The following TCF7L1 variants were observed in gnomAD, a reference collection of about 807,000 sequenced individuals.
TCF7L1 encodes the protein transcription factor 7 like 1.
Under a neutral mutation model 63.7 loss-of-function variants are expected in TCF7L1, and 18 were observed. That is an observed-to-expected ratio of 0.28 (90% CI 0.20 to 0.42). The LOEUF (loss-of-function observed/expected upper bound fraction) is 0.42. TCF7L1 is among the 10% of genes least tolerant of loss of function. The pLI is 1.00. For missense variants in TCF7L1, 654 were observed against 779.3 expected (o/e 0.84, Z 1.91); for synonymous variants, 355 against 340.9 (o/e 1.04, Z -0.46).
chr2:85,276,754 C>A (rs914931479), intron 3 of TCF7L1, among the ~76,000 whole-genome samples: 12 of 152,076 alleles, frequency 7.9e-5, no homozygotes, highest in African/African-American at 2.2e-4. Context: ...TCATGATTGC[C>A]GGGTTCTGGG....
At position 85,307,650 on chromosome 2, in the gene TCF7L1, A is replaced by G; in HGVS notation, c.1266A>G (p.Lys422=). Residue 422 remains lysine, a synonymous_variant, in exon 11 of 12, where the codon AAA becomes AAG. Transcript: ENST00000282111. Reference sequence around the variant, plus strand: ...TTGGCTGTATTTTCCAGGGTAAGAAAAAGAAGAGGAAGAGAGAAAAGCAGC... The same window carrying G: ...TTGGCTGTATTTTCCAGGGTAAGAAGAAGAAGAGGAAGAGAGAAAAGCAGC... ...TWSARDNYGK[K]KKRKREKQLS... 1 of 1,613,820 alleles carries G rather than the reference A, an allele frequency of 6.2e-7. No individual in the cohort carries two copies. The highest frequency in any genetic ancestry group is 8.5e-7 in the Non-Finnish European group (1 of 1,179,960).
At chr2:85,244,585 G>A (rs2104328584) in intron 3 of TCF7L1, among the ~76,000 whole-genome samples, 1 of 152,322 alleles carries the variant, frequency 6.6e-6, no homozygotes, top group Non-Finnish European at 1.5e-5. Context: ...GGAGAAGACT[G>A]TGGGAGGGGC....
chr2:85,206,556 C>A (rs1237943577), intron 3 of TCF7L1, among the ~76,000 whole-genome samples: 1 of 152,222 alleles, frequency 6.6e-6, no homozygotes, highest in East Asian at 1.9e-4. Context: ...ATCCCATCAC[C>A]TGTAATCTCA....
intron 3 of TCF7L1, among the ~76,000 whole-genome samples, chr2:85,230,596 A>G (rs1680054140): frequency 1.3e-5 from 2 of 152,130 alleles, no homozygotes; most frequent in South Asian, 4.1e-4. Flanking sequence ...CAGCCTCTCA[A>G]AGTGCTGGGA....
intron 3 of TCF7L1, among the ~76,000 whole-genome samples, chr2:85,145,315 G>C (rs1017718800): frequency 6.6e-6 from 1 of 152,184 alleles, no homozygotes; most frequent in East Asian, 1.9e-4. Flanking sequence ...TGTCCATAGA[G>C]AATGTGTGGA....
At chr2:85,237,850 G>A (rs985449666) in intron 3 of TCF7L1, among the ~76,000 whole-genome samples, 6 of 152,064 alleles carry the variant, frequency 3.9e-5, no homozygotes, top group Non-Finnish European at 8.8e-5. Flanking sequence ...GCCTAAAGCG[G>A]GGTTCGCGGG....
At chr2:85,262,392 G>GAAA in intron 3 of TCF7L1, 24 of 311,248 alleles carry the variant, frequency 7.7e-5, no homozygotes, top group South Asian at 1.5e-4. Flanking sequence ...TCTCTTAAAA[G>GAAA]AAAAAAAAAA....
At chr2:85,232,593 G>A (rs1400552409) in intron 3 of TCF7L1, among the ~76,000 whole-genome samples, 2 of 152,054 alleles carry the variant, frequency 1.3e-5, no homozygotes, top group African/African-American at 2.4e-5. Flanking sequence ...TCAGCATATG[G>A]GCATTAAACC....
chr2:85,134,391 C>T lies in TCF7L1; in HGVS notation c.382C>T (p.Pro128Ser). Residue 128 changes from proline (P) to serine (S), a missense_variant, in exon 3 of 12, where the codon CCG (proline) becomes TCG (serine). Around this residue, in one of 3 missense-constraint regions of TCF7L1, gnomAD observed 404 missense variants for 454.8 expected, o/e 0.89. Coordinates refer to ENST00000282111, the MANE Select transcript of TCF7L1 (RefSeq NM_031283.3). The surrounding 1 kb of genome is among the most constrained non-coding windows in gnomAD (Gnocchi z 5.0). ...PYPGYPFLMI[P>S]DLSSPYLSNG... ...CCCTGGGTACCCCTTCCTGATGATC[C>T]CGGACCTGAGCAGCCCGTACCTCTC... is the stretch of plus-strand genomic sequence containing the variant. The T allele has an allele frequency of 6.4e-7, 1 of 1,572,836 alleles. No homozygotes were observed. Among genetic ancestry groups the T allele is most frequent in the African/African-American group, 1.4e-5 (1 of 73,918 alleles).
At chr2:85,217,102 G>A (rs146600498) in intron 3 of TCF7L1, 99 of 152,250 alleles carry the variant, frequency 6.5e-4, no homozygotes, top group African/African-American at 2.3e-3. Context: ...TGAATATGAG[G>A]CATTGTTTAA....
chr2:85,237,903 C>T (rs548958016), intron 3 of TCF7L1, among the ~76,000 whole-genome samples: 4 of 152,012 alleles, frequency 2.6e-5, no homozygotes, highest in Admixed American at 1.3e-4. Flanking sequence ...TCCGCAGAAG[C>T]GGGAGGCATG....
chr2:85,134,247 C>G lies in TCF7L1; in HGVS notation c.314-76C>G, dbSNP rs1167048415. 5.4e-6 allele frequency: 8 copies of G among 1,484,174 alleles called. No homozygotes were observed. Among genetic ancestry groups the G allele is most frequent in the Non-Finnish European group, 7.2e-6 (8 of 1,116,680 alleles). The allele number at this position is 1,484,174 out of a possible 1,614,324, so 91.9% of individuals were successfully genotyped here. ...GTGGGGGGCGCTGGGGTCCCCAGCT[C>G]CCGCCTCGAGCCCCCTGCCGCGGCG... On this transcript the variant is annotated intron_variant, in intron 2 of 11. Transcript: ENST00000282111. This position sits in a 1 kb window ranked among gnomAD's most constrained non-coding sequence, Gnocchi z 5.0.
At position 85,306,804 on chromosome 2, in the gene TCF7L1, A is replaced by C. The variant is rs1682121425; in HGVS notation, c.1257+245A>C. Among the ~76,000 whole-genome samples, 1 of 152,136 alleles carries C rather than the reference A, an allele frequency of 6.6e-6. No individual in the cohort carries two copies. The highest frequency in any genetic ancestry group is 1.9e-4 in the East Asian group (1 of 5,184). Reference sequence around the variant, plus strand: ...CTCAGCCTCCCGAGTAGCTGGGACTACAGGCACCTGCCACCACACCCGGCT... The same window carrying C: ...CTCAGCCTCCCGAGTAGCTGGGACTCCAGGCACCTGCCACCACACCCGGCT... On this transcript the variant is annotated intron_variant, in intron 10 of 11. Coordinates refer to ENST00000282111, the MANE Select transcript of TCF7L1 (RefSeq NM_031283.3). This position sits in a 1 kb window ranked among gnomAD's most constrained non-coding sequence, Gnocchi z 4.3.
chr2:85,135,733 G>A (rs1050647252), intron 3 of TCF7L1, among the ~76,000 whole-genome samples: 4 of 152,016 alleles, frequency 2.6e-5, no homozygotes, highest in Non-Finnish European at 5.9e-5. Context: ...GACTGAGAGA[G>A]AGGGGAATGG....
chr2:85,175,647 A>AT (rs902322145), intron 3 of TCF7L1, among the ~76,000 whole-genome samples: 17 of 152,320 alleles, frequency 1.1e-4, no homozygotes, highest in African/African-American at 4.1e-4. Flanking sequence ...ACTCAGTTGA[A>AT]TTTTTTCACT....
rs966902421 is a variant in TCF7L1, at chr2:85,309,667, A to C, written c.*205A>C. 25 of 480,662 alleles carry C rather than the reference A, an allele frequency of 5.2e-5. No individual in the cohort carries two copies. The highest frequency in any genetic ancestry group is 1.1e-3 in the Middle Eastern group (2 of 1,834). The allele number at this position is 480,662 out of a possible 1,614,324, so 29.8% of individuals were successfully genotyped here. ...TTTAAAAAACAAAACAAAACAACAA[A>C]AAAAAATCTTTATAAGAAAGAGAAC... On this transcript the variant is annotated 3_prime_UTR_variant, in exon 12 of 12. Transcript: ENST00000282111.
At chr2:85,252,509 C>T (rs1163210674) in intron 3 of TCF7L1, among the ~76,000 whole-genome samples, 1 of 152,178 alleles carries the variant, frequency 6.6e-6, no homozygotes, top group Non-Finnish European at 1.5e-5. Flanking sequence ...CATGGCCTCT[C>T]CAAAAGAGAT....
intron 3 of TCF7L1, among the ~76,000 whole-genome samples, chr2:85,245,682 G>A (rs545165255): frequency 6.6e-6 from 1 of 152,120 alleles, no homozygotes; most frequent in Non-Finnish European, 1.5e-5. Context: ...GGGCATGGTG[G>A]TGGGCGCTTG....
At chr2:85,274,853 C>T (rs1264548109) in intron 3 of TCF7L1, among the ~76,000 whole-genome samples, 1 of 152,166 alleles carries the variant, frequency 6.6e-6, no homozygotes, top group African/African-American at 2.4e-5. Flanking sequence ...AGTGACTGAA[C>T]ACAGATTTCT....
Sources: allele counts gnomAD v4.1 joint callset (sites outside exome capture counted in the v4.1 genomes callset), GRCh38; gene constraint gnomAD v4.1.1; regional missense constraint gnomAD v4.1.1; non-coding constraint Gnocchi (gnomAD v3.1); transcripts MANE v1.5; gene names NCBI Gene and HGNC (gene_info 2026-07-23, HGNC 2026-07-21).